The following PGM3 variants were observed in gnomAD, a reference collection of about 807,000 sequenced individuals.
PGM3 encodes phosphoglucomutase 3.
A neutral mutation model predicts 66.2 loss-of-function variants in PGM3; 40 were observed. That is an observed-to-expected ratio of 0.60 (90% CI 0.47 to 0.79). The LOEUF (loss-of-function observed/expected upper bound fraction) is 0.79. Among genes scored for constraint, PGM3 ranks in the 30% least tolerant of loss-of-function variants. The probability of loss-of-function intolerance (pLI) is 0.00; values close to 1 mark genes in which losing one functional copy is unlikely to be tolerated. For synonymous variants in PGM3, 191 were observed against 224.2 expected (o/e 0.85, Z 1.32); for missense variants, 537 against 643.4 (o/e 0.83, Z 1.79).
At chr6:83,156,119 C>A in the PGM3 span, 1 of 1,593,618 alleles carries the variant, frequency 6.3e-7, no homozygotes, top group Non-Finnish European at 8.5e-7. Context: ...AAATGAAAAA[C>A]CCTTTATTTT....
intron 12 of PGM3, chr6:83,169,769 C>T (rs1278283249): frequency 6.6e-6 from 3 of 457,700 alleles, no homozygotes; most frequent in South Asian, 1.5e-5. Flanking sequence ...GTACTTTGCC[C>T]TGGCTTTGCA....
chr6:83,159,285 T>G (rs941884118), downstream of PGM3, among the ~76,000 whole-genome samples: 18 of 151,960 alleles, frequency 1.2e-4, no homozygotes, highest in African/African-American at 4.4e-4. Flanking sequence ...TATGTACTAC[T>G]TTTTTTTAGA....
At chr6:83,152,249 T>A in the PGM3 span, 1 of 1,221,806 alleles carries the variant, frequency 8.2e-7, no homozygotes, top group Non-Finnish European at 1.2e-6. Context: ...TTATTTTCAG[T>A]GGGAATTAGC....
chr6:83,174,333 TGTAAAG>T (rs772680591), intron 10 of PGM3, 35 bp downstream of exon 10: 14 of 1,033,280 alleles, frequency 1.4e-5, no homozygotes, highest in African/African-American at 6.3e-5. Context: ...TTCTGAATAA[TGTAAAG>T]GTAACCAAGA....
At position 83,167,554 on chromosome 6, in the gene PGM3, T is replaced by C. The variant is rs1786068870; in HGVS notation, c.*1680A>G. 9.5e-7 allele frequency: 1 copy of C among 1,056,848 alleles called. No homozygotes were observed. Among genetic ancestry groups the C allele is most frequent in the East Asian group, 6.9e-5 (1 of 14,464 alleles). The allele number at this position is 1,056,848 out of a possible 1,614,324, so 65.5% of individuals were successfully genotyped here. A position where few individuals can be genotyped will look rare whatever the true frequency, so the allele number is the denominator to read the frequency against. ...GAAACCTGGGAGCTTTTTGAGTAAA[T>C]ACAAAGCACAACATAAAACTTTTAT... is the stretch of plus-strand genomic sequence containing the variant. On this transcript the variant is annotated 3_prime_UTR_variant, in exon 13 of 13. Transcript: ENST00000513973.
Position 83,165,910 on chromosome 6 carries a change from C to A in PGM3, c.*3324G>T. The A allele has an allele frequency of 2.5e-6, 1 of 406,364 alleles. No individual in the cohort carries two copies. The highest frequency in any genetic ancestry group is 1.9e-5 in the South Asian group (1 of 52,758). 25.2% of individuals were successfully genotyped at this position (406,364 alleles called of 1,614,324 possible). A position where few individuals can be genotyped will look rare whatever the true frequency, so the allele number is the denominator to read the frequency against. On this transcript the variant is annotated 3_prime_UTR_variant, in exon 13 of 13. Coordinates refer to ENST00000513973, the MANE Select transcript of PGM3 (RefSeq NM_015599.3). ...CAGATGTAATGGTTTCACCTGGATT[C>A]AGAAAGCTGTAGTGGATCAGACTGG...
chr6:83,175,492 A>G (rs1186032922), intron 9 of PGM3, among the ~76,000 whole-genome samples: 1 of 152,228 alleles, frequency 6.6e-6, no homozygotes, highest in Non-Finnish European at 1.5e-5. Context: ...AACATTATGA[A>G]TCTACAAAAA....
intron 10 of PGM3, among the ~76,000 whole-genome samples, chr6:83,172,616 G>A (rs189744199): frequency 2.0e-4 from 31 of 152,028 alleles, no homozygotes; most frequent in South Asian, 1.7e-3. Context: ...CCAAGATTGC[G>A]CCACTGCACT....
chr6:83,157,390 T>C (rs1252133987), downstream of PGM3: 1 of 1,495,950 alleles, frequency 6.7e-7, no homozygotes. Context: ...ATGTGCTTAC[T>C]AGATATTAAC....
the PGM3 span, among the ~76,000 whole-genome samples, chr6:83,149,386 T>G: frequency 2.6e-5 from 4 of 152,186 alleles, no homozygotes; most frequent in Non-Finnish European, 5.9e-5. Context: ...TGATTCCTAA[T>G]AGGTCCCCAG....
Position 83,167,139 on chromosome 6 carries a change from C to T in PGM3, c.*2095G>A, listed in dbSNP as rs551001119. 2.1e-6 allele frequency: 2 copies of T among 935,528 alleles called. No individual in the cohort carries two copies. The highest frequency in any genetic ancestry group is 2.5e-6 in the Non-Finnish European group (2 of 784,528). The allele number at this position is 935,528 out of a possible 1,614,324, so 58.0% of individuals were successfully genotyped here. The stretch of plus-strand genomic sequence containing the variant: ...TCACATACCTTCTCATTTGACTTCT[C>T]TACTAAAAGGTAGTTTTAGACTGTC... On this transcript the variant is annotated 3_prime_UTR_variant, in exon 13 of 13. Transcript: ENST00000513973.
chr6:83,158,248 A>G (rs559415817), downstream of PGM3, among the ~76,000 whole-genome samples: 15 of 152,136 alleles, frequency 9.9e-5, no homozygotes, highest in East Asian at 5.8e-4. Flanking sequence ...TGATCTGCCC[A>G]CCTCGACCTC....
intron 2 of PGM3, among the ~76,000 whole-genome samples, chr6:83,189,176 G>A (rs1788848851): frequency 6.6e-6 from 1 of 152,180 alleles, no homozygotes; most frequent in Admixed American, 6.5e-5. Context: ...GTAAAAGGCT[G>A]TGATCTGTGC....
chr6:83,176,101 A>G, intron 8 of PGM3, 41 bp from the exon 9 acceptor site: 8 of 1,105,836 alleles, frequency 7.2e-6, no homozygotes, highest in Non-Finnish European at 1.1e-5. Flanking sequence ...AATTACTCAG[A>G]TGTCAAATGT....
At chr6:83,151,521 T>G in the PGM3 span, 102 of 1,237,274 alleles carry the variant, frequency 8.2e-5, no homozygotes, top group Non-Finnish European at 1.1e-4. Flanking sequence ...TAACTCATCG[T>G]GAGAAATTAG....
intron 6 of PGM3, among the ~76,000 whole-genome samples, chr6:83,180,551 T>C (rs1044507458): frequency 3.3e-5 from 5 of 152,102 alleles, no homozygotes; most frequent in Non-Finnish European, 5.9e-5. Flanking sequence ...GAGTGACAAA[T>C]TCAACATGAG....
At chr6:83,154,729 C>T in the PGM3 span, among the ~76,000 whole-genome samples, 2 of 151,928 alleles carry the variant, frequency 1.3e-5, no homozygotes, top group South Asian at 4.2e-4. Context: ...GGCAGAATCA[C>T]CCCCCACCCC....
chr6:83,184,255 A>C (rs1475628085), intron 4 of PGM3, among the ~76,000 whole-genome samples: 2 of 152,254 alleles, frequency 1.3e-5, no homozygotes, highest in East Asian at 3.9e-4. Context: ...CAATAAGTAA[A>C]TACTCAGTGA....
chr6:83,165,851 T>C lies in PGM3; in HGVS notation c.*3383A>G. The C allele has an allele frequency of 3.0e-6, 1 of 338,254 alleles. No homozygotes were observed. The highest frequency in any genetic ancestry group is 5.9e-6 in the Non-Finnish European group (1 of 170,374). 21.0% of individuals were successfully genotyped at this position (338,254 alleles called of 1,614,324 possible). On this transcript the variant is annotated 3_prime_UTR_variant, in exon 13 of 13. Coordinates refer to ENST00000513973, the MANE Select transcript of PGM3 (RefSeq NM_015599.3). ...TGCCGGCTGCAGGCATTGCAGTTTT[T>C]GGTGCATCTCATTGATTTGCTGAGC...
Sources: allele counts gnomAD v4.1 joint callset (sites outside exome capture counted in the v4.1 genomes callset), GRCh38; gene constraint gnomAD v4.1.1; transcripts MANE v1.5; gene names NCBI Gene and HGNC (gene_info 2026-07-23, HGNC 2026-07-21).